SERGEF: variants seen among roughly 807,000 people sequenced by gnomAD.
SERGEF encodes the protein secretion regulating guanine nucleotide exchange factor, also known as secretion-regulating guanine nucleotide exchange factor.
Under a neutral mutation model 50.0 loss-of-function variants are expected in SERGEF, and 51 were observed. That is an observed-to-expected ratio of 1.02 (90% confidence interval 0.81 to 1.29). SERGEF has a LOEUF of 1.29. Among genes scored for constraint, SERGEF ranks in the 50% most tolerant of loss-of-function variants. The probability of loss-of-function intolerance (pLI) is 0.00; values close to 1 mark genes in which losing one functional copy is unlikely to be tolerated. For missense variants in SERGEF, 521 were observed against 557.0 expected (o/e 0.94, Z 0.65); for synonymous variants, 205 against 212.4 (o/e 0.97, Z 0.30).
chr11:17,878,794 G>GC (rs1474950228), intron 9 of SERGEF, among the ~76,000 whole-genome samples: 4 of 152,118 alleles, frequency 2.6e-5, no homozygotes, highest in Non-Finnish European at 4.4e-5. Context: ...CACACCTCTA[G>GC]CCCCTTGCAC....
intron 9 of SERGEF, among the ~76,000 whole-genome samples, chr11:17,921,910 T>C (rs543978334): frequency 1.8e-4 from 28 of 152,192 alleles, no homozygotes; most frequent in African/African-American, 6.5e-4. Context: ...TTTGTTAAAG[T>C]GACTAAATGC....
chr11:17,959,736 C>T, intron 8 of SERGEF, 100 bp from the exon 9 acceptor site: 1 of 1,052,896 alleles, frequency 9.5e-7, no homozygotes, highest in Non-Finnish European at 1.4e-6. Flanking sequence ...TATTTTAGTA[C>T]CACCTACCAG....
chr11:17,936,499 T>C (rs1048494020), intron 9 of SERGEF, among the ~76,000 whole-genome samples: 2 of 152,226 alleles, frequency 1.3e-5, no homozygotes, highest in African/African-American at 4.8e-5. Flanking sequence ...TCTCCAGTTT[T>C]CAATGTGTTT....
intron 6 of SERGEF, among the ~76,000 whole-genome samples, 186 bp from the exon 7 acceptor site, chr11:17,993,179 G>A (rs1408645507): frequency 6.6e-6 from 1 of 152,042 alleles, no homozygotes; most frequent in Non-Finnish European, 1.5e-5. Flanking sequence ...CCAGGAGATT[G>A]AACAATCAAG....
intron 10 of SERGEF, among the ~76,000 whole-genome samples, chr11:17,832,079 A>C (rs1312185442): frequency 6.6e-6 from 1 of 152,134 alleles, no homozygotes; most frequent in South Asian, 2.1e-4. Flanking sequence ...TAGTTGTCTG[A>C]CCTTGGGTTA....
intron 1 of SERGEF, chr11:18,012,572 A>G (rs772434798): frequency 1.0e-5 from 12 of 1,169,728 alleles, no homozygotes; most frequent in Non-Finnish European, 1.3e-5. Flanking sequence ...TGGGGGGCAC[A>G]GGTGGCCCCA....
At chr11:17,808,840 C>T (rs575134431) in intron 10 of SERGEF, among the ~76,000 whole-genome samples, 1 of 152,330 alleles carries the variant, frequency 6.6e-6, no homozygotes, top group African/African-American at 2.4e-5. Flanking sequence ...CTTGTATACA[C>T]TTTATAGGGT....
At chr11:17,850,434 T>C (rs1850690639) in intron 10 of SERGEF, among the ~76,000 whole-genome samples, 1 of 152,212 alleles carries the variant, frequency 6.6e-6, no homozygotes, top group African/African-American at 2.4e-5. Context: ...AATGATTAAA[T>C]GTTATAATGA....
chr11:17,987,799 T>A lies in SERGEF; in HGVS notation c.844+798A>T, dbSNP rs144553103. The stretch of plus-strand genomic sequence containing the variant: ...AGATATTTGGGAGTCTAGAGATGTG[T>A]GTGTAGCTAGCAAGCAGGACAGGAG... On this transcript the variant is annotated intron_variant, in intron 8 of 10. Transcript: ENST00000265965. 4.8e-3 allele frequency among the ~76,000 whole-genome samples: 727 copies of A among 152,228 alleles called. 8 individuals are homozygous for A. Among genetic ancestry groups the A allele is most frequent in the African/African-American group, 0.016 (675 of 41,524 alleles).
intron 10 of SERGEF, among the ~76,000 whole-genome samples, chr11:17,830,722 C>T (rs1049874039): frequency 2.9e-5 from 4 of 136,374 alleles, no homozygotes; most frequent in Non-Finnish European, 6.1e-5. Flanking sequence ...CAGGATGAAC[C>T]GACTCCCTCC....
At chr11:17,879,616 C>A (rs1851303068) in intron 9 of SERGEF, among the ~76,000 whole-genome samples, 1 of 152,112 alleles carries the variant, frequency 6.6e-6, no homozygotes, top group Non-Finnish European at 1.5e-5. Context: ...ATTTGTCTGT[C>A]TGTGCTTGAC....
At chr11:17,803,978 T>C (rs1398543665) in intron 10 of SERGEF, among the ~76,000 whole-genome samples, 1 of 152,206 alleles carries the variant, frequency 6.6e-6, no homozygotes, top group African/African-American at 2.4e-5. Context: ...TCTGGCACGG[T>C]TGCAGTTGTG....
rs767908555 is a variant in SERGEF, at chr11:18,004,436, C to G, written c.447+5G>C. On this transcript the variant is annotated splice_donor_5th_base_variant and intron_variant, in intron 4 of 10. Transcript: ENST00000265965. ...ATGGGCAAGCTAAATATTAACTGTC[C>G]TCACCTCAATGGCCTGGGGAACCAC... 2 of 1,608,088 alleles carry G rather than the reference C, an allele frequency of 1.2e-6. No homozygotes were observed. Among genetic ancestry groups the G allele is most frequent in the East Asian group, 4.5e-5 (2 of 44,834 alleles).
intron 9 of SERGEF, among the ~76,000 whole-genome samples, chr11:17,942,415 A>T (rs1852578954): frequency 6.6e-6 from 1 of 152,082 alleles, no homozygotes; most frequent in African/African-American, 2.4e-5. Context: ...AAATTTTCCA[A>T]TTCTTTGATG....
intron 10 of SERGEF, among the ~76,000 whole-genome samples, chr11:17,869,375 A>T (rs768717596): frequency 3.3e-5 from 5 of 152,220 alleles, no homozygotes; most frequent in Non-Finnish European, 5.9e-5. Context: ...ACACCTAGAC[A>T]TTTATTAGAA....
chr11:18,012,976 G>A lies in SERGEF; in HGVS notation c.35C>T (p.Pro12Leu), dbSNP rs1413619619. The change falls in exon 1 of 11, where the codon CCC (proline) becomes CTC (leucine). Residue 12 changes from proline (P) to leucine (L), a missense_variant. Transcript: ENST00000265965. Reference protein sequence around the residue: ...EREPSASEAAPAAAALFAWGA... With the variant: ...EREPSASEAALAAAALFAWGA... Reference sequence around the variant, plus strand: ...CCAGGCGAAGAGCGCGGCCGCCGCGGGGGCGGCCTCCGAGGCGCTGGGCTC... The same window carrying A: ...CCAGGCGAAGAGCGCGGCCGCCGCGAGGGCGGCCTCCGAGGCGCTGGGCTC... The A allele has an allele frequency of 4.8e-6, 7 of 1,471,756 alleles. No homozygotes were observed. The East Asian group carries it at 1.1e-4, about 24-fold the overall frequency. 91.2% of individuals were successfully genotyped at this position (1,471,756 alleles called of 1,614,324 possible). A position where few individuals can be genotyped will look rare whatever the true frequency, so the allele number is the denominator to read the frequency against.
rs149521324 is a variant in SERGEF at position 17,945,028 on chromosome 11, T to C, written c.1011+14442A>G. Among the ~76,000 whole-genome samples the C allele has an allele frequency of 3.9e-5, 6 of 152,352 alleles. No individual in the cohort carries two copies. In the East Asian group the frequency reaches 7.7e-4, roughly 20 times the overall value. On this transcript the variant is annotated intron_variant, in intron 9 of 10. Transcript: ENST00000265965. ...GAAACTTAGGCTGGAAATCAGAAGA[T>C]ATAAGTTTCCAGTCCTAATTCTACT...
chr11:17,833,010 G>A (rs1024363179), intron 10 of SERGEF, among the ~76,000 whole-genome samples: 3 of 152,188 alleles, frequency 2.0e-5, no homozygotes, highest in Non-Finnish European at 2.9e-5. Flanking sequence ...CATTTTCTGA[G>A]GAGAAATTCA....
intron 9 of SERGEF, among the ~76,000 whole-genome samples, chr11:17,933,532 C>T (rs868287565): frequency 6.6e-6 from 1 of 152,096 alleles, no homozygotes; most frequent in Non-Finnish European, 1.5e-5. Context: ...TCTATCTGGG[C>T]TTCAGGTTCC....
Sources: gnomAD v4.1 joint callset for allele counts (sites outside exome capture counted in the v4.1 genomes callset) on GRCh38, gnomAD v4.1.1 for gene constraint, MANE v1.5 for transcripts, NCBI Gene and HGNC (gene_info 2026-07-23, HGNC 2026-07-21) for gene names.